The following GRM7 variants were observed in gnomAD, a reference collection of about 807,000 sequenced individuals.
GRM7 encodes glutamate metabotropic receptor 7.
In GRM7, 35 loss-of-function variants were observed where a neutral mutation model predicts 84.5. The observed-to-expected ratio is 0.41, with a 90% CI of 0.32 to 0.55. The LOEUF is 0.55. Ranked by LOEUF, GRM7 falls within the 20% of genes least tolerant of loss-of-function variation. The pLI is 0.19. For synonymous variants in GRM7, 487 were observed against 455.1 expected (o/e 1.07, Z -0.89); for missense variants, 1,003 against 1,194.6 (o/e 0.84, Z 2.36).
intron 1 of GRM7, among the ~76,000 whole-genome samples, chr3:7,015,610 C>T (rs968518385): frequency 1.3e-5 from 2 of 152,168 alleles, no homozygotes; most frequent in Non-Finnish European, 2.9e-5. Context: ...GGCTTAAGGT[C>T]CATCAGGTGG....
chr3:7,061,131 G>T (rs1270553702), intron 1 of GRM7, among the ~76,000 whole-genome samples: 1 of 151,730 alleles, frequency 6.6e-6, no homozygotes, highest in Non-Finnish European at 1.5e-5. Flanking sequence ...CATACTCCTT[G>T]TGTTAAGATT....
chr3:6,875,420 A>G lies in GRM7; in HGVS notation c.519+13513A>G, dbSNP rs1036839806. 1.9e-4 allele frequency among the ~76,000 whole-genome samples: 29 copies of G among 152,262 alleles called. 1 individual carries two copies. Among genetic ancestry groups the G allele is most frequent in the African/African-American group, 6.7e-4 (28 of 41,546 alleles). On this transcript the variant is annotated intron_variant, in intron 1 of 9. Coordinates refer to ENST00000357716, the MANE Select transcript of GRM7 (RefSeq NM_000844.4). ...CCCCATACTGTTCTCTTGGTAGAGAATAAGTCTCACGAGATCTGATGGTTT... is the reference window on the plus strand; with the variant it reads ...CCCCATACTGTTCTCTTGGTAGAGAGTAAGTCTCACGAGATCTGATGGTTT...
chr3:7,692,741 C>A (rs7624525), intron 9 of GRM7, among the ~76,000 whole-genome samples: 46,958 of 151,934 alleles, frequency 0.31, 7,848 homozygotes, highest in East Asian at 0.7. Context: ...AGAGTAGACA[C>A]CTGTACTCAG....
At chr3:7,437,597 T>C (rs917606537) in intron 5 of GRM7, among the ~76,000 whole-genome samples, 8 of 152,282 alleles carry the variant, frequency 5.3e-5, no homozygotes, top group Admixed American at 5.2e-4. Flanking sequence ...GTTTATTGTC[T>C]CTATTATTTC....
At chr3:7,590,347 G>A (rs1219225176) in intron 8 of GRM7, among the ~76,000 whole-genome samples, 7 of 152,154 alleles carry the variant, frequency 4.6e-5, no homozygotes, top group Non-Finnish European at 8.8e-5. Flanking sequence ...CCTGTCCAAT[G>A]AGTAACTTGT....
At chr3:6,976,433 G>A (rs1351801827) in intron 1 of GRM7, among the ~76,000 whole-genome samples, 6 of 152,116 alleles carry the variant, frequency 3.9e-5, no homozygotes, top group African/African-American at 1.4e-4. Flanking sequence ...TCTGTAAGTG[G>A]GGAGGCCCTG....
Position 6,861,855 on chromosome 3 carries a change from C to T in GRM7, c.467C>T (p.Ala156Val), listed in dbSNP as rs556961218. Reference protein sequence around the residue: ...KPEKVVGVIGASGSSVSIMVA... With the variant: ...KPEKVVGVIGVSGSSVSIMVA... ...GAGAAAGTAGTTGGAGTGATTGGGG[C>T]TTCGGGGAGTTCGGTCTCCATCATG... Residue 156 changes from alanine (A) to valine (V), a missense_variant, in exon 1 of 10, where the codon GCT becomes GTT. This residue lies in a region of GRM7 where 910 missense variants were observed against 1,126.0 expected (regional missense o/e 0.81). Coordinates refer to ENST00000357716, the MANE Select transcript of GRM7 (RefSeq NM_000844.4). This position sits in a 1 kb window ranked among gnomAD's most constrained non-coding sequence, Gnocchi z 6.4. The T allele has an allele frequency of 6.2e-7, 1 of 1,613,990 alleles. No individual in the cohort carries two copies. Among genetic ancestry groups the T allele is most frequent in the East Asian group, 2.2e-5 (1 of 44,826 alleles).
intron 4 of GRM7, among the ~76,000 whole-genome samples, chr3:7,325,617 A>C (rs1349324289): frequency 6.6e-6 from 1 of 152,168 alleles, no homozygotes; most frequent in Non-Finnish European, 1.5e-5. Flanking sequence ...CTGGGAAAGG[A>C]GACCAGCGGA....
At chr3:7,563,233 A>T (rs1401073353) in intron 7 of GRM7, among the ~76,000 whole-genome samples, 1 of 152,126 alleles carries the variant, frequency 6.6e-6, no homozygotes, top group East Asian at 1.9e-4. Context: ...ACAGTTTGTT[A>T]TATTTAAAGC....
intron 2 of GRM7, among the ~76,000 whole-genome samples, chr3:7,237,137 G>T (rs575512556): frequency 6.6e-6 from 1 of 152,234 alleles, no homozygotes; most frequent in African/African-American, 2.4e-5. Context: ...CAGAAGAGGT[G>T]CCTGCCAGCA....
At chr3:7,519,165 T>G (rs1330721790) in intron 7 of GRM7, among the ~76,000 whole-genome samples, 1 of 152,168 alleles carries the variant, frequency 6.6e-6, no homozygotes, top group African/African-American at 2.4e-5. Context: ...GTAAGCCATT[T>G]CTTAGTAGAA....
chr3:7,037,610 A>G (rs1440125736), intron 1 of GRM7, among the ~76,000 whole-genome samples: 2 of 152,192 alleles, frequency 1.3e-5, no homozygotes, highest in African/African-American at 4.8e-5. Context: ...ACACCTCTTG[A>G]GGAACTGCAA....
chr3:7,103,942 G>C (rs1699212136), intron 1 of GRM7, among the ~76,000 whole-genome samples: 1 of 151,058 alleles, frequency 6.6e-6, no homozygotes, highest in South Asian at 2.1e-4. Flanking sequence ...AAGAATGTTT[G>C]TAGACAATGT....
intron 9 of GRM7, among the ~76,000 whole-genome samples, chr3:7,711,446 A>T (rs968901170): frequency 6.6e-6 from 1 of 152,192 alleles, no homozygotes; most frequent in Non-Finnish European, 1.5e-5. Context: ...GAATGAGGTC[A>T]GAATTGCAGT....
In GRM7 at chr3:6,925,786, C is replaced by G. The variant is rs150594071; in HGVS notation, c.519+63879C>G. ...TCTTACCCATTGATCCTACCTTGTC[C>G]TGGTGGAACTGGAATGAAAAATATT... On this transcript the variant is annotated intron_variant, in intron 1 of 9. Coordinates refer to ENST00000357716, the MANE Select transcript of GRM7 (RefSeq NM_000844.4). Among the ~76,000 whole-genome samples the G allele has an allele frequency of 3.8e-3, 574 of 152,264 alleles. 6 individuals are homozygous for G. The highest frequency in any genetic ancestry group is 0.013 in the African/African-American group (536 of 41,560).
intron 4 of GRM7, among the ~76,000 whole-genome samples, chr3:7,389,810 T>C (rs1694921825): frequency 6.6e-6 from 1 of 152,086 alleles, no homozygotes; most frequent in South Asian, 2.1e-4. Flanking sequence ...AATTTGCCAC[T>C]CTATTTTTAA....
chr3:7,083,967 G>A (rs1325764815), intron 1 of GRM7, among the ~76,000 whole-genome samples: 1 of 152,032 alleles, frequency 6.6e-6, no homozygotes, highest in Non-Finnish European at 1.5e-5. Context: ...TGTAGCTGGG[G>A]AAAAATGAGA....
chr3:7,264,318 G>C (rs1442081501), intron 2 of GRM7, among the ~76,000 whole-genome samples: 1 of 152,080 alleles, frequency 6.6e-6, no homozygotes, highest in Non-Finnish European at 1.5e-5. Context: ...CTCCACTACA[G>C]ACACTCCTGC....
At chr3:7,547,655 A>G (rs1227769495) in intron 7 of GRM7, among the ~76,000 whole-genome samples, 1 of 152,200 alleles carries the variant, frequency 6.6e-6, no homozygotes. Context: ...GATATCAGTA[A>G]TTTTTAAAGA....
Sources: allele counts gnomAD v4.1 joint callset (sites outside exome capture counted in the v4.1 genomes callset), GRCh38; gene constraint gnomAD v4.1.1; regional missense constraint gnomAD v4.1.1; non-coding constraint Gnocchi (gnomAD v3.1); transcripts MANE v1.5; gene names NCBI Gene and HGNC (gene_info 2026-07-23, HGNC 2026-07-21).